EPHA3: variants seen among roughly 807,000 people sequenced by gnomAD.
EPHA3 encodes EPH receptor A3, also known as ephrin type-A receptor 3.
In EPHA3, 42 loss-of-function variants were observed where a neutral mutation model predicts 107.1. The observed-to-expected ratio is 0.39, with a 90% CI of 0.31 to 0.51. The LOEUF (loss-of-function observed/expected upper bound fraction) is 0.51. EPHA3 is among the 20% of genes least tolerant of loss of function. EPHA3 has a pLI of 0.78. For missense variants in EPHA3, 1,183 were observed against 1,211.2 expected (o/e 0.98, Z 0.35); for synonymous variants, 461 against 424.8 (o/e 1.09, Z -1.05).
intron 3 of EPHA3, among the ~76,000 whole-genome samples, chr3:89,227,170 CA>C (rs1704521774): frequency 6.6e-6 from 1 of 152,140 alleles, no homozygotes; most frequent in Admixed American, 6.6e-5. Context: ...ATATGTTAAA[CA>C]TATCATTTCT....
At chr3:89,438,595 T>C (rs561479960) in intron 13 of EPHA3, among the ~76,000 whole-genome samples, 11 of 152,192 alleles carry the variant, frequency 7.2e-5, no homozygotes, top group Non-Finnish European at 1.0e-4. Flanking sequence ...AAAATTGGTA[T>C]AATACAAAAG....
chr3:89,416,990 A>G (rs565086009), intron 10 of EPHA3, among the ~76,000 whole-genome samples: 11 of 151,604 alleles, frequency 7.3e-5, no homozygotes, highest in Admixed American at 2.0e-4. Flanking sequence ...AAGCACTTTC[A>G]TATTCATTTG....
chr3:89,273,964 G>T (rs573575395), intron 3 of EPHA3, among the ~76,000 whole-genome samples: 1 of 151,906 alleles, frequency 6.6e-6, no homozygotes, highest in Admixed American at 6.6e-5. Context: ...GAAAAATGAG[G>T]CACTAAATAG....
At chr3:89,262,632 C>T (rs1705441377) in intron 3 of EPHA3, among the ~76,000 whole-genome samples, 1 of 152,230 alleles carries the variant, frequency 6.6e-6, no homozygotes, top group South Asian at 2.1e-4. Context: ...TTCCCCGACC[C>T]GGTCGCATGA....
intron 11 of EPHA3, among the ~76,000 whole-genome samples, chr3:89,427,261 A>G (rs1709475417): frequency 6.6e-6 from 1 of 151,934 alleles, no homozygotes; most frequent in African/African-American, 2.4e-5. Context: ...AATTCCTGGA[A>G]TATATTCAAA....
At chr3:89,268,085 G>A (rs1705581271) in intron 3 of EPHA3, among the ~76,000 whole-genome samples, 1 of 152,000 alleles carries the variant, frequency 6.6e-6, no homozygotes, top group African/African-American at 2.4e-5. Context: ...TACTGATATA[G>A]GTTAAGAAAA....
chr3:89,222,131 T>G (rs1276607499), intron 3 of EPHA3, among the ~76,000 whole-genome samples: 1 of 151,894 alleles, frequency 6.6e-6, no homozygotes. Flanking sequence ...GAGGACATGA[T>G]TGATAGGAGA....
intron 16 of EPHA3, among the ~76,000 whole-genome samples, chr3:89,479,137 A>ACC (rs61516560): frequency 0.034 from 5,155 of 152,184 alleles, 287 homozygotes; most frequent in African/African-American, 0.12. Context: ...ATCTGCAGTG[A>ACC]CCCTCTATCC....
chr3:89,326,324 G>A (rs1396757703), intron 3 of EPHA3, among the ~76,000 whole-genome samples: 1 of 152,090 alleles, frequency 6.6e-6, no homozygotes, highest in Non-Finnish European at 1.5e-5. Context: ...GCTAATAAGT[G>A]GTTGTTATAC....
chr3:89,429,106 G>A lies in EPHA3; in HGVS notation c.2075G>A (p.Ser692Asn), dbSNP rs1460422282. The A allele has an allele frequency of 2.5e-6, 4 of 1,603,960 alleles. No homozygotes were observed. In the East Asian group the frequency reaches 6.7e-5, roughly 27 times the overall value. Reference protein sequence around the residue: ...IIRLEGVVTKSKPVMIVTEYM... With the variant: ...IIRLEGVVTKNKPVMIVTEYM... The stretch of plus-strand genomic sequence containing the variant: ...TATTTATTATTTACTGTATATCTAG[G>A]TAAGCCAGTTATGATTGTCACAGAA... Residue 692 changes from serine to asparagine, a missense_variant and splice_region_variant, in exon 12 of 17, where the codon AGT (serine) becomes AAT (asparagine). Coordinates refer to ENST00000336596, the MANE Select transcript of EPHA3 (RefSeq NM_005233.6).
intron 5 of EPHA3, among the ~76,000 whole-genome samples, chr3:89,345,356 AC>A (rs1236058080): frequency 6.6e-6 from 1 of 151,158 alleles, no homozygotes; most frequent in East Asian, 1.9e-4. Context: ...TTACCAGTTT[AC>A]CCTATTGGAA....
In EPHA3 at chr3:89,292,615, A is replaced by T. The variant is rs1421011870; in HGVS notation, c.815-48301A>T. Among the ~76,000 whole-genome samples, 3 of 152,212 alleles carry T rather than the reference A, an allele frequency of 2.0e-5. No individual in the cohort carries two copies. In the East Asian group the frequency reaches 5.8e-4, roughly 29 times the overall value. On this transcript the variant is annotated intron_variant, in intron 3 of 16. Transcript: ENST00000336596. ...TCCAATTTGTAAATATGTAAAGAAT[A>T]AAATTCTTAACTCTATTTGATCTAT...
chr3:89,260,258 TCTTTTCCACAATGG>T (rs1459819050), intron 3 of EPHA3, among the ~76,000 whole-genome samples: 1 of 152,216 alleles, frequency 6.6e-6, no homozygotes, highest in Non-Finnish European at 1.5e-5. Context: ...ACCTCCATGC[TCTTTTCCACAATGG>T]CTTTTCCACA....
chr3:89,405,824 G>C (rs1166977110), intron 7 of EPHA3, among the ~76,000 whole-genome samples: 1 of 152,138 alleles, frequency 6.6e-6, no homozygotes, highest in Non-Finnish European at 1.5e-5. Flanking sequence ...CAGGAATTGT[G>C]TGTATTTTAA....
intron 3 of EPHA3, among the ~76,000 whole-genome samples, chr3:89,266,716 A>C (rs1429773149): frequency 6.6e-6 from 1 of 152,008 alleles, no homozygotes; most frequent in Non-Finnish European, 1.5e-5. Context: ...TGATCTCTAT[A>C]ATTCTTCTGA....
At chr3:89,212,685 T>G (rs1704131885) in intron 3 of EPHA3, among the ~76,000 whole-genome samples, 1 of 151,940 alleles carries the variant, frequency 6.6e-6, no homozygotes, top group Non-Finnish European at 1.5e-5. Flanking sequence ...CGCTAATGGC[T>G]TTTTATATAG....
At chr3:89,237,970 C>A (rs1704812071) in intron 3 of EPHA3, among the ~76,000 whole-genome samples, 1 of 149,524 alleles carries the variant, frequency 6.7e-6, no homozygotes, top group Non-Finnish European at 1.5e-5. Context: ...CAGAGTGAGA[C>A]CATGTCTCAG....
At position 89,180,613 on chromosome 3, in the gene EPHA3, C is replaced by T. The variant is rs527465511; in HGVS notation, c.154-29247C>T. On this transcript the variant is annotated intron_variant, in intron 2 of 16. Coordinates refer to ENST00000336596, the MANE Select transcript of EPHA3 (RefSeq NM_005233.6). ...AAGTATAAGGGCAGCAGTTTAGTAG[C>T]GTTATAAGGCCATAGAAGGTTAAGG... Among the ~76,000 whole-genome samples, 9 of 151,958 alleles carry T rather than the reference C, an allele frequency of 5.9e-5. No homozygotes were observed. In the South Asian group the frequency reaches 1.7e-3, roughly 28 times the overall value.
chr3:89,304,683 C>T (rs1419861306), intron 3 of EPHA3, among the ~76,000 whole-genome samples: 1 of 152,072 alleles, frequency 6.6e-6, no homozygotes, highest in Admixed American at 6.6e-5. Flanking sequence ...GTGTATTTTT[C>T]ATTTTTCATG....
Sources: allele counts gnomAD v4.1 joint callset (sites outside exome capture counted in the v4.1 genomes callset), GRCh38; gene constraint gnomAD v4.1.1; transcripts MANE v1.5; gene names NCBI Gene and HGNC (gene_info 2026-07-23, HGNC 2026-07-21).